Variants in PTPRM observed in about 807,000 individuals in gnomAD.
PTPRM encodes protein tyrosine phosphatase receptor type M.
Under a neutral mutation model 186.7 loss-of-function variants are expected in PTPRM, and 47 were observed. That is an observed-to-expected ratio of 0.25 (90% confidence interval 0.20 to 0.32). The LOEUF (loss-of-function observed/expected upper bound fraction) is 0.32. PTPRM is among the 10% of genes least tolerant of loss of function. PTPRM has a pLI of 1.00. For missense variants in PTPRM, 1,494 were observed against 1,865.0 expected (o/e 0.80, Z 3.66); for synonymous variants, 668 against 674.9 (o/e 0.99, Z 0.16).
intron 7 of PTPRM, among the ~76,000 whole-genome samples, chr18:8,014,750 A>AAC (rs2084754893): frequency 6.6e-6 from 1 of 152,232 alleles, no homozygotes; most frequent in African/African-American, 2.4e-5. Context: ...CACATATGTG[A>AAC]ACACACACAC....
At chr18:8,196,400 G>A (rs2093778438) in intron 14 of PTPRM, among the ~76,000 whole-genome samples, 1 of 152,170 alleles carries the variant, frequency 6.6e-6, no homozygotes. Context: ...AGGAGAGAGT[G>A]GAATGAGCAG....
chr18:7,990,211 G>A (rs2083190372), intron 7 of PTPRM, among the ~76,000 whole-genome samples: 1 of 152,072 alleles, frequency 6.6e-6, no homozygotes. Flanking sequence ...GACCACTCCT[G>A]ATATTTTCTG....
At chr18:8,235,698 T>TTA (rs2094338423) in intron 14 of PTPRM, among the ~76,000 whole-genome samples, 1 of 152,120 alleles carries the variant, frequency 6.6e-6, no homozygotes, top group East Asian at 1.9e-4. Context: ...TTGTCTAATA[T>TTA]GTGCATCCAG....
chr18:7,704,500 T>C (rs572380585), intron 1 of PTPRM, among the ~76,000 whole-genome samples: 1 of 152,340 alleles, frequency 6.6e-6, no homozygotes, highest in Admixed American at 6.5e-5. Context: ...TTTGTATTTC[T>C]GTGGGATCAG....
intron 7 of PTPRM, among the ~76,000 whole-genome samples, chr18:7,960,123 A>G (rs73381878): frequency 0.019 from 2,872 of 152,144 alleles, 105 homozygotes; most frequent in African/African-American, 0.066. Context: ...CTTTTTATGT[A>G]TTCTGGTTAT....
At chr18:8,392,308 A>G (rs2095817893) in intron 31 of PTPRM, among the ~76,000 whole-genome samples, 1 of 152,162 alleles carries the variant, frequency 6.6e-6, no homozygotes, top group Non-Finnish European at 1.5e-5. Flanking sequence ...TGATAGTTAT[A>G]CTGTGTACTG....
At chr18:8,034,626 A>G (rs1300818518) in intron 7 of PTPRM, among the ~76,000 whole-genome samples, 2 of 152,188 alleles carry the variant, frequency 1.3e-5, no homozygotes, top group Non-Finnish European at 2.9e-5. Context: ...GAGCCTAAGA[A>G]TAATACTCTG....
intron 1 of PTPRM, among the ~76,000 whole-genome samples, chr18:7,703,411 G>C (rs1215881992): frequency 6.6e-6 from 1 of 152,254 alleles, no homozygotes; most frequent in East Asian, 1.9e-4. Context: ...TGGATTCTTA[G>C]GTATTTAATT....
chr18:8,045,101 C>A, intron 7 of PTPRM, among the ~76,000 whole-genome samples: 1 of 152,210 alleles, frequency 6.6e-6, no homozygotes, highest in East Asian at 1.9e-4. Flanking sequence ...CATACCAACA[C>A]TTTGGGAGGC....
chr18:8,091,729 A>T (rs1271651717), intron 11 of PTPRM, among the ~76,000 whole-genome samples: 2 of 152,108 alleles, frequency 1.3e-5, no homozygotes, highest in Admixed American at 1.3e-4. Context: ...AAAAATGTGT[A>T]TAGTACCCTC....
intron 1 of PTPRM, among the ~76,000 whole-genome samples, chr18:7,713,951 A>C (rs1490971575): frequency 1.3e-5 from 2 of 152,062 alleles, no homozygotes; most frequent in Non-Finnish European, 2.9e-5. Context: ...CCCACTGTCA[A>C]TATTAGATTG....
chr18:7,632,681 A>G (rs1367856968), intron 1 of PTPRM, among the ~76,000 whole-genome samples: 1 of 152,224 alleles, frequency 6.6e-6, no homozygotes. Flanking sequence ...GATAGGCTGC[A>G]TGTTACAGCT....
At chr18:7,908,501 T>A in intron 4 of PTPRM, among the ~76,000 whole-genome samples, 1 of 152,198 alleles carries the variant, frequency 6.6e-6, no homozygotes, top group East Asian at 1.9e-4. Flanking sequence ...ACCTGTGTGG[T>A]TGTTACCTGA....
At chr18:8,116,416 G>T (rs1409658367) in intron 13 of PTPRM, among the ~76,000 whole-genome samples, 1 of 152,220 alleles carries the variant, frequency 6.6e-6, no homozygotes, top group Non-Finnish European at 1.5e-5. Flanking sequence ...AGGAAAAGGT[G>T]TATTTTTGGA....
At chr18:7,977,209 C>T (rs2055011861) in intron 7 of PTPRM, among the ~76,000 whole-genome samples, 1 of 152,106 alleles carries the variant, frequency 6.6e-6, no homozygotes, top group South Asian at 2.1e-4. Flanking sequence ...CCTGCCTCAG[C>T]CTCCTGAGTA....
At chr18:8,162,302 T>C (rs551611890) in intron 14 of PTPRM, among the ~76,000 whole-genome samples, 1 of 152,178 alleles carries the variant, frequency 6.6e-6, no homozygotes, top group Non-Finnish European at 1.5e-5. Context: ...GGTTTCACCA[T>C]GTTAGCCAGG....
intron 7 of PTPRM, among the ~76,000 whole-genome samples, chr18:8,014,468 A>G (rs779826965): frequency 2.6e-5 from 4 of 152,188 alleles, no homozygotes; most frequent in Non-Finnish European, 5.9e-5. Flanking sequence ...CAAAGCAAAC[A>G]TTTGTATACT....
In PTPRM at chr18:7,718,342, G is replaced by A. The variant is rs183861747; in HGVS notation, c.74-55807G>A. On this transcript the variant is annotated intron_variant, in intron 1 of 32. Coordinates refer to ENST00000580170, the MANE Select transcript of PTPRM (RefSeq NM_001105244.2). Reference sequence around the variant, plus strand: ...CACCCTATTCAATAAATGGTGCTGGGATAACTGGTAAGCCACATGTAGAAG... The same window carrying A: ...CACCCTATTCAATAAATGGTGCTGGAATAACTGGTAAGCCACATGTAGAAG... Among the ~76,000 whole-genome samples, 20 of 152,244 alleles carry A rather than the reference G, an allele frequency of 1.3e-4. No homozygotes were observed. The East Asian group carries it at 3.9e-3, about 29-fold the overall frequency.
At chr18:7,930,835 C>T (rs76031444) in intron 5 of PTPRM, among the ~76,000 whole-genome samples, 4,317 of 151,896 alleles carry the variant, frequency 0.028, 208 homozygotes, top group African/African-American at 0.099. Context: ...AATAACGTAA[C>T]GTAAATAAAT....
Sources: gnomAD v4.1 joint callset for allele counts (sites outside exome capture counted in the v4.1 genomes callset) on GRCh38, gnomAD v4.1.1 for gene constraint, MANE v1.5 for transcripts, NCBI Gene and HGNC (gene_info 2026-07-23, HGNC 2026-07-21) for gene names.